PDE4D: variants seen among roughly 807,000 people sequenced by gnomAD.
The protein encoded by PDE4D is 3',5'-cyclic-AMP phosphodiesterase 4D.
In PDE4D, 24 loss-of-function variants were observed where a neutral mutation model predicts 87.4. That is an observed-to-expected ratio of 0.27 (90% CI 0.20 to 0.39). The LOEUF (loss-of-function observed/expected upper bound fraction) is 0.39. PDE4D is among the 10% of genes least tolerant of loss of function. PDE4D has a pLI of 1.00. For missense variants in PDE4D, 714 were observed against 1,041.0 expected (o/e 0.69, Z 4.32); for synonymous variants, 384 against 383.2 (o/e 1.00, Z -0.02).
At chr5:60,103,545 G>A (rs1776484209) in intron 2 of PDE4D, among the ~76,000 whole-genome samples, 1 of 152,146 alleles carries the variant, frequency 6.6e-6, no homozygotes, top group African/African-American at 2.4e-5. Context: ...TGTTACCATT[G>A]CTAGAATTTA....
At chr5:60,262,339 C>T (rs1388249864) in intron 1 of PDE4D, 3 of 152,150 alleles carry the variant, frequency 2.0e-5, no homozygotes. Context: ...CAAAACACAG[C>T]TTTTAAGAAC....
chr5:59,610,732 T>C (rs1439697812), intron 1 of PDE4D, among the ~76,000 whole-genome samples: 1 of 152,050 alleles, frequency 6.6e-6, no homozygotes, highest in Non-Finnish European at 1.5e-5. Flanking sequence ...TACACCTCAA[T>C]GAAACAATAA....
intron 3 of PDE4D, among the ~76,000 whole-genome samples, chr5:59,937,238 T>G (rs1282739228): frequency 6.6e-6 from 1 of 152,186 alleles, no homozygotes; most frequent in African/African-American, 2.4e-5. Context: ...GAAAGTAGAA[T>G]TCTTAAGTAT....
At chr5:59,547,301 T>C (rs1817436603) in intron 1 of PDE4D, among the ~76,000 whole-genome samples, 1 of 151,992 alleles carries the variant, frequency 6.6e-6, no homozygotes, top group Non-Finnish European at 1.5e-5. Flanking sequence ...CAGTTTTTTA[T>C]AGGAAAAAAA....
At chr5:60,416,872 T>C (rs1241489338) in intron 1 of PDE4D, among the ~76,000 whole-genome samples, 1 of 152,214 alleles carries the variant, frequency 6.6e-6, no homozygotes, top group Non-Finnish European at 1.5e-5. Context: ...ATCCACATTG[T>C]AATGTGATAC....
intron 5 of PDE4D, among the ~76,000 whole-genome samples, chr5:59,047,620 A>G (rs918629026): frequency 2.6e-5 from 4 of 152,250 alleles, no homozygotes; most frequent in Non-Finnish European, 5.9e-5. Flanking sequence ...CTGAAGGGGA[A>G]GGAGAAGCTG....
At chr5:59,392,961 G>A (rs1229606547) in intron 1 of PDE4D, among the ~76,000 whole-genome samples, 1 of 152,168 alleles carries the variant, frequency 6.6e-6, no homozygotes. Flanking sequence ...TGTGAACTCA[G>A]CTGAAGAATG....
chr5:59,300,770 G>A (rs982691742), intron 1 of PDE4D, among the ~76,000 whole-genome samples: 2 of 151,976 alleles, frequency 1.3e-5, no homozygotes, highest in African/African-American at 4.8e-5. Context: ...AGATCCCACC[G>A]GTTGAAGGTT....
intron 1 of PDE4D, among the ~76,000 whole-genome samples, chr5:59,380,375 G>A (rs577582123): frequency 2.8e-4 from 33 of 117,938 alleles, no homozygotes; most frequent in African/African-American, 1.0e-3. Context: ...TTTATGAAAG[G>A]GCCAAAAGCA....
intron 5 of PDE4D, among the ~76,000 whole-genome samples, chr5:59,088,902 T>C (rs1192303296): frequency 1.3e-5 from 2 of 152,286 alleles, no homozygotes; most frequent in Admixed American, 1.3e-4. Flanking sequence ...AGTTTACCTA[T>C]GTAACAAATC....
At position 59,543,911 on chromosome 5, in the gene PDE4D, T is replaced by C. The variant is rs191136587; in HGVS notation, c.456-327943A>G. On this transcript the variant is annotated intron_variant, in intron 1 of 14. Transcript: ENST00000340635. ...AACAAGTTATGTGGGAATCTGAGTATAGAATATACAGACATAAAATAAGCT... is the reference window on the plus strand; with the variant it reads ...AACAAGTTATGTGGGAATCTGAGTACAGAATATACAGACATAAAATAAGCT... Among the ~76,000 whole-genome samples, 14 of 152,320 alleles carry C rather than the reference T, an allele frequency of 9.2e-5. No individual in the cohort carries two copies. In the East Asian group the frequency reaches 1.2e-3, roughly 13 times the overall value.
intron 1 of PDE4D, among the ~76,000 whole-genome samples, chr5:60,354,958 G>C (rs1415135389): frequency 6.6e-6 from 1 of 152,138 alleles, no homozygotes; most frequent in Non-Finnish European, 1.5e-5. Context: ...GGCAGTGCTG[G>C]TGGTAAGGGC....
At chr5:59,458,960 A>C (rs183777273) in intron 1 of PDE4D, among the ~76,000 whole-genome samples, 1 of 152,190 alleles carries the variant, frequency 6.6e-6, no homozygotes, top group Non-Finnish European at 1.5e-5. Flanking sequence ...GTTGTTTGCC[A>C]ATAGAGGTTT....
chr5:59,387,424 T>C (rs969437233), intron 1 of PDE4D, among the ~76,000 whole-genome samples: 24 of 152,088 alleles, frequency 1.6e-4, no homozygotes, highest in African/African-American at 5.3e-4. Context: ...CTAACTATTA[T>C]AAATAATAAT....
At chr5:59,609,146 G>A (rs1435586981) in intron 1 of PDE4D, among the ~76,000 whole-genome samples, 1 of 152,104 alleles carries the variant, frequency 6.6e-6, no homozygotes, top group Non-Finnish European at 1.5e-5. Flanking sequence ...AGAGAGATAT[G>A]TCATAAAAGG....
intron 1 of PDE4D, among the ~76,000 whole-genome samples, chr5:60,324,297 T>G (rs998914072): frequency 6.6e-6 from 1 of 152,242 alleles, no homozygotes; most frequent in African/African-American, 2.4e-5. Flanking sequence ...ACATTTTATT[T>G]TTCACACTGC....
intron 5 of PDE4D, among the ~76,000 whole-genome samples, chr5:59,108,231 T>C (rs1771964546): frequency 6.6e-6 from 1 of 152,252 alleles, no homozygotes; most frequent in Non-Finnish European, 1.5e-5. Flanking sequence ...GATGTAGCAC[T>C]GTCCTTCTAC....
chr5:59,807,116 G>C (rs902882491), intron 1 of PDE4D, among the ~76,000 whole-genome samples: 1 of 152,070 alleles, frequency 6.6e-6, no homozygotes, highest in African/African-American at 2.4e-5. Flanking sequence ...TGAGATCAAT[G>C]CTCCAGGGCA....
At chr5:59,452,776 CA>C (rs1356291558) in intron 1 of PDE4D, among the ~76,000 whole-genome samples, 1 of 152,166 alleles carries the variant, frequency 6.6e-6, no homozygotes, top group Non-Finnish European at 1.5e-5. Context: ...AAGGCCAACA[CA>C]AAAACATTCA....
Sources: allele counts gnomAD v4.1 joint callset (sites outside exome capture counted in the v4.1 genomes callset), GRCh38; gene constraint gnomAD v4.1.1; transcripts MANE v1.5; gene names NCBI Gene and HGNC (gene_info 2026-07-23, HGNC 2026-07-21).